Variants in JAZF1 observed in about 807,000 individuals in gnomAD.
JAZF1 encodes juxtaposed with another zinc finger protein 1.
A neutral mutation model predicts 26.4 loss-of-function variants in JAZF1; 8 were observed. That is an observed-to-expected ratio of 0.30 (90% CI 0.18 to 0.55). JAZF1 has a LOEUF of 0.55. Among genes scored for constraint, JAZF1 ranks in the 20% least tolerant of loss-of-function variants. The pLI is 0.94. For synonymous variants in JAZF1, 126 were observed against 122.3 expected, an observed-to-expected ratio of 1.03 and a Z score of -0.20; for missense variants, 199 against 322.0, an observed-to-expected ratio of 0.62 and a Z score of 2.92.
Position 28,027,109 on chromosome 7 carries a change from G to A in JAZF1, c.116-35128C>T, listed in dbSNP as rs75772469. 0.022 allele frequency among the ~76,000 whole-genome samples: 3,364 copies of A among 152,292 alleles called. 299 individuals are homozygous for A. In the East Asian group the frequency reaches 0.32, roughly 14 times the overall value. On this transcript the variant is annotated intron_variant, in intron 1 of 4. Transcript: ENST00000283928. ...ACAGCTGAGCTGGCTTGTCAGGAGGGGTGAGGCCCCTTCTCCCATCCCTGG... is the reference window on the plus strand; with the variant it reads ...ACAGCTGAGCTGGCTTGTCAGGAGGAGTGAGGCCCCTTCTCCCATCCCTGG...
chr7:28,075,762 A>G (rs1374912319), intron 1 of JAZF1, among the ~76,000 whole-genome samples: 1 of 152,228 alleles, frequency 6.6e-6, no homozygotes, highest in Non-Finnish European at 1.5e-5. Context: ...TGCTATTAAA[A>G]AAAAAGGCTG....
intron 1 of JAZF1, among the ~76,000 whole-genome samples, chr7:28,065,186 A>G (rs1245193821): frequency 6.6e-6 from 1 of 152,108 alleles, no homozygotes; most frequent in African/African-American, 2.4e-5. Context: ...TGGGAGTAAG[A>G]TTTGGGGGTG....
intron 2 of JAZF1, among the ~76,000 whole-genome samples, chr7:27,900,271 G>A (rs1168452758): frequency 1.3e-5 from 2 of 152,160 alleles, no homozygotes; most frequent in East Asian, 1.9e-4. Flanking sequence ...AAACACAGCC[G>A]TTATTAAAAA....
At chr7:28,061,669 T>C (rs560922574) in intron 1 of JAZF1, among the ~76,000 whole-genome samples, 1 of 152,286 alleles carries the variant, frequency 6.6e-6, no homozygotes, top group South Asian at 2.1e-4. Context: ...CCTTATGAGA[T>C]AGAGCTACAC....
At chr7:27,916,350 G>C (rs1784443411) in intron 2 of JAZF1, among the ~76,000 whole-genome samples, 1 of 151,810 alleles carries the variant, frequency 6.6e-6, no homozygotes, top group Admixed American at 6.6e-5. Context: ...GTTATTCATA[G>C]TACTAAGTTT....
intron 3 of JAZF1, among the ~76,000 whole-genome samples, chr7:27,869,208 A>C (rs1783537035): frequency 6.6e-6 from 1 of 152,200 alleles, no homozygotes; most frequent in South Asian, 2.1e-4. Context: ...GGGCTGAAAA[A>C]CAGGAACAGT....
At chr7:27,862,513 T>C (rs1783403084) in intron 3 of JAZF1, among the ~76,000 whole-genome samples, 1 of 151,996 alleles carries the variant, frequency 6.6e-6, no homozygotes, top group South Asian at 2.1e-4. Flanking sequence ...ATTCACAGAG[T>C]AGTGCAGCCA....
intron 1 of JAZF1, among the ~76,000 whole-genome samples, chr7:28,114,704 T>G (rs537098871): frequency 6.1e-4 from 92 of 151,318 alleles, no homozygotes; most frequent in Non-Finnish European, 1.3e-3. Flanking sequence ...GCTCCCAGTC[T>G]GGTGAGGGAC....
intron 2 of JAZF1, among the ~76,000 whole-genome samples, chr7:27,903,133 T>C (rs563623775): frequency 4.0e-4 from 61 of 152,238 alleles, no homozygotes; most frequent in African/African-American, 1.4e-3. Flanking sequence ...GCACGGAATA[T>C]TAGGATTTTA....
chr7:28,092,392 T>C (rs1784317353), intron 1 of JAZF1, among the ~76,000 whole-genome samples: 1 of 149,596 alleles, frequency 6.7e-6, no homozygotes, highest in Admixed American at 6.7e-5. Flanking sequence ...GACAGCTCCT[T>C]ATTTTGGCTT....
chr7:28,163,186 T>C (rs1294393242), intron 1 of JAZF1, among the ~76,000 whole-genome samples: 1 of 152,234 alleles, frequency 6.6e-6, no homozygotes, highest in Non-Finnish European at 1.5e-5. Context: ...AAATATCCTA[T>C]TCCTCAGTTT....
At chr7:27,857,521 C>T (rs1337922522) in intron 3 of JAZF1, among the ~76,000 whole-genome samples, 2 of 152,254 alleles carry the variant, frequency 1.3e-5, no homozygotes, top group Non-Finnish European at 2.9e-5. Flanking sequence ...GCTGAGGAGG[C>T]GCCGAGAGCG....
chr7:28,066,283 G>T (rs1038253539), intron 1 of JAZF1, among the ~76,000 whole-genome samples: 1 of 152,122 alleles, frequency 6.6e-6, no homozygotes, highest in Non-Finnish European at 1.5e-5. Context: ...GTACAGGCCA[G>T]GTCAGGGCTG....
chr7:27,865,547 C>T (rs1783458065), intron 3 of JAZF1, among the ~76,000 whole-genome samples: 1 of 152,000 alleles, frequency 6.6e-6, no homozygotes, highest in African/African-American at 2.4e-5. Flanking sequence ...CAACATTTAA[C>T]CCAGAAAAAA....
intron 4 of JAZF1, 24 bp from the exon 5 acceptor site, chr7:27,833,000 A>G (rs1257829386): frequency 1.3e-6 from 2 of 1,513,696 alleles, no homozygotes; most frequent in African/African-American, 2.8e-5. Flanking sequence ...AAAAATATTT[A>G]TTACATGGAT....
intron 1 of JAZF1, among the ~76,000 whole-genome samples, chr7:28,135,988 A>G (rs1207074372): frequency 6.6e-6 from 1 of 152,182 alleles, no homozygotes; most frequent in Non-Finnish European, 1.5e-5. Context: ...GGGATTGCCA[A>G]CTGTACAAAT....
At chr7:28,108,427 A>T (rs942912109) in intron 1 of JAZF1, among the ~76,000 whole-genome samples, 2 of 152,038 alleles carry the variant, frequency 1.3e-5, no homozygotes, top group African/African-American at 4.8e-5. Flanking sequence ...TTCCAAGCTC[A>T]TCTCTCTATA....
intron 3 of JAZF1, among the ~76,000 whole-genome samples, chr7:27,876,258 GTT>G (rs921496209): frequency 9.3e-4 from 141 of 152,286 alleles, no homozygotes; most frequent in African/African-American, 3.4e-3. Context: ...TTCCAGAACT[GTT>G]TTATCTAATA....
intron 1 of JAZF1, among the ~76,000 whole-genome samples, chr7:28,033,981 G>T (rs1783237377): frequency 6.6e-6 from 1 of 152,114 alleles, no homozygotes; most frequent in African/African-American, 2.4e-5. Flanking sequence ...GACTTCAGGT[G>T]ATCCACCTGC....
Sources: allele counts gnomAD v4.1 joint callset (sites outside exome capture counted in the v4.1 genomes callset), GRCh38; gene constraint gnomAD v4.1.1; transcripts MANE v1.5; gene names NCBI Gene and HGNC (gene_info 2026-07-23, HGNC 2026-07-21).